Variants in WDR49 observed in about 807,000 individuals in gnomAD.
The protein encoded by WDR49 is cilia- and flagella-associated protein 337.
Under a neutral mutation model 119.5 loss-of-function variants are expected in WDR49, and 107 were observed. The ratio of observed to expected loss-of-function variants is 0.90; its 90% CI spans 0.77 to 1.05. The LOEUF (loss-of-function observed/expected upper bound fraction) is 1.05, where lower values mean the gene tolerates loss of function less well. WDR49 is among the 50% of genes least tolerant of loss of function. The pLI is 0.00. For missense variants in WDR49, 1,240 were observed against 1,220.5 expected, an observed-to-expected ratio of 1.02 and a Z score of -0.24; for synonymous variants, 425 against 418.8, an observed-to-expected ratio of 1.01 and a Z score of -0.18.
At chr3:167,563,843 C>T (rs1203085963) in intron 8 of WDR49, among the ~76,000 whole-genome samples, 1 of 152,198 alleles carries the variant, frequency 6.6e-6, no homozygotes, top group Non-Finnish European at 1.5e-5. Context: ...AACACTAGAA[C>T]TTATTCTTCT....
At chr3:167,638,615 G>A (rs1406518896) in intron 2 of WDR49, among the ~76,000 whole-genome samples, 1 of 151,514 alleles carries the variant, frequency 6.6e-6, no homozygotes, top group Non-Finnish European at 1.5e-5. Flanking sequence ...AGATGCATCA[G>A]TTTATATCAT....
chr3:167,625,570 G>C (rs1354946931), intron 3 of WDR49, among the ~76,000 whole-genome samples: 1 of 151,886 alleles, frequency 6.6e-6, no homozygotes, highest in Admixed American at 6.6e-5. Flanking sequence ...AGGTATTCTA[G>C]CTTAAAGGAA....
At chr3:167,643,544 A>G (rs1342387315) in intron 2 of WDR49, among the ~76,000 whole-genome samples, 3 of 152,136 alleles carry the variant, frequency 2.0e-5, no homozygotes, top group Non-Finnish European at 2.9e-5. Flanking sequence ...TATATAAAAG[A>G]CATTACTGGG....
At position 167,604,376 on chromosome 3, in the gene WDR49, G is replaced by C. The variant is rs146804108; in HGVS notation, c.1051C>G (p.Arg351Gly). The C allele has an allele frequency of 6.2e-7, 1 of 1,613,668 alleles. No homozygotes were observed. The highest frequency in any genetic ancestry group is 1.3e-5 in the African/African-American group (1 of 75,004). The change falls in exon 6 of 19, where the codon CGT (arginine) becomes GGT (glycine). Residue 351 changes from arginine (R) to glycine (G), a missense_variant. By Grantham distance (125) the Arg-to-Gly change is moderately radical. Transcript: ENST00000682715. ...ATGTTGAAGGATGTCATATTAAGAC[G>C]CTTTTTTGATTTCTCTCTCCAAGCC... ...VMAWREKSKK[R>G]LNMTSFNIAQ...
In WDR49 at chr3:167,513,350, A is replaced by G. The variant is rs201565705; in HGVS notation, c.2775-7934T>C. On this transcript the variant is annotated intron_variant, in intron 16 of 18. Coordinates refer to ENST00000682715, the MANE Select transcript of WDR49 (RefSeq NM_001366157.1). Reference sequence around the variant, plus strand: ...AATTTCCAATCCAGAATTCCATATCAAACCAAACTAAGCTTAATAAGCAAA... The same window carrying G: ...AATTTCCAATCCAGAATTCCATATCGAACCAAACTAAGCTTAATAAGCAAA... Among the ~76,000 whole-genome samples the G allele has an allele frequency of 4.6e-5, 7 of 152,246 alleles. No individual in the cohort carries two copies. In the East Asian group the frequency reaches 1.2e-3, roughly 25 times the overall value.
intron 7 of WDR49, among the ~76,000 whole-genome samples, chr3:167,596,873 T>C (rs1325791190): frequency 7.3e-6 from 1 of 137,018 alleles, no homozygotes; most frequent in Non-Finnish European, 1.6e-5. Flanking sequence ...AGTATAATAA[T>C]AAATAAATAA....
chr3:167,481,110 A>T (rs935241240), intron 18 of WDR49, among the ~76,000 whole-genome samples: 2 of 152,134 alleles, frequency 1.3e-5, no homozygotes, highest in African/African-American at 4.8e-5. Context: ...TAATTAAAAG[A>T]GGAAAGTTTT....
At chr3:167,488,064 G>A (rs1404623992) in intron 18 of WDR49, among the ~76,000 whole-genome samples, 2 of 150,870 alleles carry the variant, frequency 1.3e-5, no homozygotes, top group Non-Finnish European at 3.0e-5. Context: ...TTATCACCAT[G>A]CTATTCACAA....
intron 13 of WDR49, among the ~76,000 whole-genome samples, chr3:167,529,550 A>G (rs1259216068): frequency 7.9e-5 from 12 of 152,132 alleles, no homozygotes; most frequent in South Asian, 4.1e-4. Flanking sequence ...TTCTTCAGAT[A>G]AAACATGAAA....
At chr3:167,538,729 T>G (rs1347616357) in intron 10 of WDR49, among the ~76,000 whole-genome samples, 1 of 152,206 alleles carries the variant, frequency 6.6e-6, no homozygotes, top group African/African-American at 2.4e-5. Context: ...AAGGCATTAC[T>G]GATCAACTGC....
Position 167,545,509 on chromosome 3 carries a change from T to TATA in WDR49, c.1824-8510_1824-8509insTAT, listed in dbSNP as rs535132359. Among the ~76,000 whole-genome samples, 10 of 108,286 alleles carry TATA rather than the reference T, an allele frequency of 9.2e-5. 1 individual carries two copies. Among genetic ancestry groups the TATA allele is most frequent in the Non-Finnish European group, 1.6e-4 (8 of 48,698 alleles). The allele number at this position is 108,286 out of a possible 152,430, so 71.0% of individuals were successfully genotyped here. ...CCATATATATATTATATATTATATA[T>TATA]TATATATATATATATGCACCCTGGA... is the stretch of plus-strand genomic sequence containing the variant. On this transcript the variant is annotated intron_variant, in intron 10 of 18. Coordinates refer to ENST00000682715, the MANE Select transcript of WDR49 (RefSeq NM_001366157.1).
At chr3:167,540,463 A>G (rs745372492) in intron 10 of WDR49, among the ~76,000 whole-genome samples, 3 of 152,132 alleles carry the variant, frequency 2.0e-5, no homozygotes, top group Non-Finnish European at 4.4e-5. Context: ...TCTGGCTCGT[A>G]GGAAGCCCCA....
intron 8 of WDR49, among the ~76,000 whole-genome samples, chr3:167,573,003 G>C (rs1317912205): frequency 6.6e-6 from 1 of 152,146 alleles, no homozygotes; most frequent in East Asian, 1.9e-4. Flanking sequence ...GTCATCACAT[G>C]CCACATTGTT....
intron 8 of WDR49, among the ~76,000 whole-genome samples, chr3:167,573,135 A>T (rs917085060): frequency 2.0e-5 from 3 of 152,126 alleles, no homozygotes; most frequent in Non-Finnish European, 4.4e-5. Context: ...AGCATGGGAG[A>T]CAAGAGGACA....
chr3:167,579,481 G>A (rs978889188), intron 7 of WDR49, among the ~76,000 whole-genome samples: 1 of 152,082 alleles, frequency 6.6e-6, no homozygotes, highest in Non-Finnish European at 1.5e-5. Flanking sequence ...ATAGGGTAAT[G>A]TCTCCATTTA....
chr3:167,638,858 T>C (rs1283301688), intron 2 of WDR49, among the ~76,000 whole-genome samples: 1 of 151,744 alleles, frequency 6.6e-6, no homozygotes, highest in East Asian at 1.9e-4. Flanking sequence ...AATTTAAGGT[T>C]TGGAACCAAA....
intron 13 of WDR49, among the ~76,000 whole-genome samples, chr3:167,530,473 A>C (rs920437204): frequency 2.0e-5 from 3 of 152,066 alleles, no homozygotes; most frequent in Admixed American, 2.0e-4. Context: ...AATTAAGCAA[A>C]TGGTTATTTC....
In WDR49 at chr3:167,653,512, A is replaced by T; in HGVS notation, c.-74-13T>A. 7.2e-7 allele frequency: 1 copy of T among 1,384,030 alleles called. No homozygotes were observed. Among genetic ancestry groups the T allele is most frequent in the Non-Finnish European group, 9.4e-7 (1 of 1,065,500 alleles). 85.7% of individuals were successfully genotyped at this position (1,384,030 alleles called of 1,614,324 possible). On this transcript the variant is annotated splice_polypyrimidine_tract_variant and intron_variant, in intron 1 of 18. Coordinates refer to ENST00000682715, the MANE Select transcript of WDR49 (RefSeq NM_001366157.1). ...CTTCAACAGGTGCCTTTGAAAAGAAACTCAACTTAGCAACAGAATTCCAAA... is the reference window on the plus strand; with the variant it reads ...CTTCAACAGGTGCCTTTGAAAAGAATCTCAACTTAGCAACAGAATTCCAAA...
At chr3:167,585,786 T>A (rs1247726541) in intron 7 of WDR49, among the ~76,000 whole-genome samples, 1 of 152,028 alleles carries the variant, frequency 6.6e-6, no homozygotes, top group Non-Finnish European at 1.5e-5. Flanking sequence ...ATAGTAAGTA[T>A]ATAGCAAAAC....
Sources: gnomAD v4.1 joint callset for allele counts (sites outside exome capture counted in the v4.1 genomes callset) on GRCh38, gnomAD v4.1.1 for gene constraint, MANE v1.5 for transcripts, NCBI Gene and HGNC (gene_info 2026-07-23, HGNC 2026-07-21) for gene names.